TNFRSF1B: variants seen among roughly 807,000 people sequenced by gnomAD.
TNFRSF1B encodes TNF receptor superfamily member 1B, also known as tumor necrosis factor receptor superfamily member 1B.
A neutral mutation model predicts 44.6 loss-of-function variants in TNFRSF1B; 19 were observed. That is an observed-to-expected ratio of 0.43 (90% CI 0.30 to 0.62). The LOEUF (loss-of-function observed/expected upper bound fraction) is 0.62. Ranked by LOEUF, TNFRSF1B falls within the 20% of genes least tolerant of loss-of-function variation. The pLI is 0.16. For missense variants in TNFRSF1B, 541 were observed against 619.9 expected (o/e 0.87, Z 1.35); for synonymous variants, 252 against 261.1 (o/e 0.97, Z 0.34).
intron 1 of TNFRSF1B, among the ~76,000 whole-genome samples, chr1:12,167,765 G>A (rs907510884): frequency 6.6e-6 from 1 of 152,190 alleles, no homozygotes; most frequent in Non-Finnish European, 1.5e-5. Flanking sequence ...CCTCCGATGC[G>A]TCCGGGGGCT....
intron 8 of TNFRSF1B, among the ~76,000 whole-genome samples, chr1:12,196,183 C>T (rs1639261783): frequency 6.6e-6 from 1 of 152,026 alleles, no homozygotes; most frequent in Non-Finnish European, 1.5e-5. Context: ...TGCCTGTAGT[C>T]TCAGCTACTC....
At chr1:12,195,628 A>G (rs1639249601) in intron 8 of TNFRSF1B, among the ~76,000 whole-genome samples, 1 of 152,160 alleles carries the variant, frequency 6.6e-6, no homozygotes, top group African/African-American at 2.4e-5. Context: ...ACAGTGTCAC[A>G]TGACCACCCC....
At chr1:12,197,875 C>G (rs1270872930) in intron 8 of TNFRSF1B, among the ~76,000 whole-genome samples, 3 of 152,176 alleles carry the variant, frequency 2.0e-5, no homozygotes. Context: ...CCTGTAATCC[C>G]AGCACTTTGG....
At chr1:12,205,908 G>A (rs575812473) in intron 9 of TNFRSF1B, among the ~76,000 whole-genome samples, 6 of 152,142 alleles carry the variant, frequency 3.9e-5, no homozygotes, top group South Asian at 4.1e-4. Flanking sequence ...GATTACAGGC[G>A]TGAGCCACCC....
rs375195181 is a variant in TNFRSF1B, at chr1:12,194,089, C to A, written c.865+57C>A. 6.2e-6 allele frequency: 9 copies of A among 1,451,502 alleles called. No individual in the cohort carries two copies. The African/African-American group carries it at 1.3e-4, about 20-fold the overall frequency. 89.9% of individuals were successfully genotyped at this position (1,451,502 alleles called of 1,614,324 possible). ...TTGTTCAGGAAGCTTTTGTGGGGTG[C>A]CTCCTGTGAGTCCAGCACTGGGCAC... On this transcript the variant is annotated intron_variant, in intron 7 of 9. Transcript: ENST00000376259.
chr1:12,167,062 G>A lies in TNFRSF1B; in HGVS notation c.-30G>A. On this transcript the variant is annotated 5_prime_UTR_variant, in exon 1 of 10. Transcript: ENST00000376259. ...GCTGCGAGGGCGCGAGGGCGCGAGG[G>A]CAGGGGGCAACCGGACCCCGCCCGC... 4 of 1,281,708 alleles carry A rather than the reference G, an allele frequency of 3.1e-6. No homozygotes were observed. Among genetic ancestry groups the A allele is most frequent in the South Asian group, 2.3e-5 (1 of 43,306 alleles). The allele number at this position is 1,281,708 out of a possible 1,614,324, so 79.4% of individuals were successfully genotyped here.
rs867472391 is a variant in TNFRSF1B at position 12,187,091 on chromosome 1, G to A, written c.79-1705G>A. On this transcript the variant is annotated intron_variant, in intron 1 of 9. Coordinates refer to ENST00000376259, the MANE Select transcript of TNFRSF1B (RefSeq NM_001066.3). This position sits in a 1 kb window ranked among gnomAD's most constrained non-coding sequence, Gnocchi z 5.5. ...GAGACCCGAGAGAGGAGGGCTCTGCGTCTGCTCCTCTGTCCAGGGCTGTAG... is the reference window on the plus strand; with the variant it reads ...GAGACCCGAGAGAGGAGGGCTCTGCATCTGCTCCTCTGTCCAGGGCTGTAG... Among the ~76,000 whole-genome samples, 8 of 151,958 alleles carry A rather than the reference G, an allele frequency of 5.3e-5. No individual in the cohort carries two copies. The highest frequency in any genetic ancestry group is 1.9e-4 in the East Asian group (1 of 5,198).
chr1:12,170,205 T>C (rs1638489966), intron 1 of TNFRSF1B, among the ~76,000 whole-genome samples: 1 of 152,066 alleles, frequency 6.6e-6, no homozygotes, highest in Non-Finnish European at 1.5e-5. Context: ...TCCCCAAAGT[T>C]CATGGACACA....
chr1:12,169,767 T>C lies in TNFRSF1B; in HGVS notation c.78+2598T>C, dbSNP rs1638480463. ...TATTCATTTGACAAAGAAATGCCAG[T>C]AAACCTGGCAGTAGGTGAGTGCTTG... On this transcript the variant is annotated intron_variant, in intron 1 of 9. Coordinates refer to ENST00000376259, the MANE Select transcript of TNFRSF1B (RefSeq NM_001066.3). The surrounding 1 kb of genome is among the most constrained non-coding windows in gnomAD (Gnocchi z 4.5). Among the ~76,000 whole-genome samples, 1 of 152,260 alleles carries C rather than the reference T, an allele frequency of 6.6e-6. No individual in the cohort carries two copies. The highest frequency in any genetic ancestry group is 1.5e-5 in the Non-Finnish European group (1 of 68,052).
At chr1:12,206,626 G>C in intron 9 of TNFRSF1B, 114 bp from the exon 10 acceptor site, 1 of 1,201,988 alleles carries the variant, frequency 8.3e-7, no homozygotes, top group East Asian at 2.6e-5. Flanking sequence ...TCTTGGTCTC[G>C]GCTCCTGGCC....
chr1:12,173,724 C>T (rs1313182923), intron 1 of TNFRSF1B, among the ~76,000 whole-genome samples: 1 of 152,200 alleles, frequency 6.6e-6, no homozygotes, highest in Non-Finnish European at 1.5e-5. Context: ...TGCTCTGACC[C>T]GGTTCTGAGT....
chr1:12,201,485 AAG>A (rs1491559167), intron 8 of TNFRSF1B, among the ~76,000 whole-genome samples: 27 of 151,460 alleles, frequency 1.8e-4, no homozygotes, highest in South Asian at 6.2e-4. Context: ...AAAAAAAAAA[AAG>A]GCACAGAGAG....
intron 9 of TNFRSF1B, among the ~76,000 whole-genome samples, chr1:12,206,168 C>A (rs933245016): frequency 3.9e-5 from 6 of 152,066 alleles, no homozygotes; most frequent in African/African-American, 1.4e-4. Context: ...TAGGCAGATT[C>A]TTTGAGGTCA....
chr1:12,194,532 C>G, intron 7 of TNFRSF1B, 52 bp from the exon 8 acceptor site: 2 of 1,610,856 alleles, frequency 1.2e-6, no homozygotes, highest in Non-Finnish European at 1.7e-6. Flanking sequence ...CTACTTAGGA[C>G]AGATGTGCCT....
At chr1:12,201,074 A>G (rs1387483606) in intron 8 of TNFRSF1B, among the ~76,000 whole-genome samples, 1 of 152,080 alleles carries the variant, frequency 6.6e-6, no homozygotes, top group African/African-American at 2.4e-5. Flanking sequence ...GTAACATAGC[A>G]CAACCCTGTC....
At chr1:12,201,615 T>C (rs1203036121) in intron 8 of TNFRSF1B, among the ~76,000 whole-genome samples, 4 of 152,160 alleles carry the variant, frequency 2.6e-5, no homozygotes, top group Non-Finnish European at 4.4e-5. Context: ...TGTCTCCCTG[T>C]GCAGATGGGG....
intron 1 of TNFRSF1B, among the ~76,000 whole-genome samples, chr1:12,172,601 GC>G (rs1638546476): frequency 6.6e-6 from 1 of 152,192 alleles, no homozygotes; most frequent in Non-Finnish European, 1.5e-5. Context: ...CCCTGCAGTT[GC>G]CCAGAGTTCC....
Position 12,168,496 on chromosome 1 carries a change from C to A in TNFRSF1B, c.78+1327C>A, listed in dbSNP as rs1443796736. On this transcript the variant is annotated intron_variant, in intron 1 of 9. Coordinates refer to ENST00000376259, the MANE Select transcript of TNFRSF1B (RefSeq NM_001066.3). This position sits in a 1 kb window ranked among gnomAD's most constrained non-coding sequence, Gnocchi z 4.7. ...GAGTGTGAATGGGGACGACCGTGGT[C>A]CCCAGCTTGACTTTGGGGTCATGCC... Among the ~76,000 whole-genome samples the A allele has an allele frequency of 1.3e-5, 2 of 152,068 alleles. No homozygotes were observed. The highest frequency in any genetic ancestry group is 2.9e-5 in the Non-Finnish European group (2 of 67,980).
rs1252989138 is a variant in TNFRSF1B, at chr1:12,190,410, G to T, written c.179-547G>T. Among the ~76,000 whole-genome samples, 5 of 139,194 alleles carry T rather than the reference G, an allele frequency of 3.6e-5. No individual in the cohort carries two copies. In the East Asian group the frequency reaches 1.1e-3, roughly 31 times the overall value. The allele number at this position is 139,194 out of a possible 152,430, so 91.3% of individuals were successfully genotyped here. ...AGAGGCAGAGGTTGCAGTGAGCCGA[G>T]ATTGTGCCACTGCACTCTAGCCTGG... On this transcript the variant is annotated intron_variant, in intron 2 of 9. Transcript: ENST00000376259.
Sources: allele counts gnomAD v4.1 joint callset (sites outside exome capture counted in the v4.1 genomes callset), GRCh38; gene constraint gnomAD v4.1.1; non-coding constraint Gnocchi (gnomAD v3.1); transcripts MANE v1.5; gene names NCBI Gene and HGNC (gene_info 2026-07-23, HGNC 2026-07-21).